The following ARHGAP26 variants were observed in gnomAD, a reference collection of about 807,000 sequenced individuals.
The protein encoded by ARHGAP26 is rho GTPase-activating protein 26.
Under a neutral mutation model 104.8 loss-of-function variants are expected in ARHGAP26, and 38 were observed. The ratio of observed to expected loss-of-function variants is 0.36; its 90% CI spans 0.28 to 0.48. ARHGAP26 has a LOEUF of 0.48. Ranked by LOEUF, ARHGAP26 falls within the 20% of genes least tolerant of loss-of-function variation. ARHGAP26 has a pLI of 0.99. For synonymous variants in ARHGAP26, 341 were observed against 340.0 expected, an observed-to-expected ratio of 1.00 and a Z score of -0.03; for missense variants, 704 against 947.9, an observed-to-expected ratio of 0.74 and a Z score of 3.38.
intron 20 of ARHGAP26, among the ~76,000 whole-genome samples, chr5:143,197,837 T>C (rs1306221559): frequency 6.6e-6 from 1 of 152,210 alleles, no homozygotes; most frequent in African/African-American, 2.4e-5. Context: ...CTGTCATTTT[T>C]TTCCATATAG....
chr5:142,956,262 G>A (rs530213942), intron 11 of ARHGAP26, among the ~76,000 whole-genome samples: 1 of 152,012 alleles, frequency 6.6e-6, no homozygotes, highest in Non-Finnish European at 1.5e-5. Context: ...GTCCTGGTCT[G>A]TCTCTGAATG....
chr5:143,196,296 CAATT>C (rs760130313), intron 20 of ARHGAP26, among the ~76,000 whole-genome samples: 2 of 152,068 alleles, frequency 1.3e-5, no homozygotes, highest in Non-Finnish European at 2.9e-5. Context: ...TTATGGCAAT[CAATT>C]AGTTTTTATT....
intron 1 of ARHGAP26, among the ~76,000 whole-genome samples, chr5:142,823,570 G>A (rs957286924): frequency 6.6e-6 from 1 of 151,880 alleles, no homozygotes; most frequent in African/African-American, 2.4e-5. Context: ...TGGTGTTATG[G>A]CAAACTAATC....
chr5:142,800,449 A>C (rs1308387118), intron 1 of ARHGAP26, among the ~76,000 whole-genome samples: 3 of 150,516 alleles, frequency 2.0e-5, no homozygotes, highest in Admixed American at 6.6e-5. Context: ...GGCTTACTGC[A>C]ACCTCCGGGT....
At chr5:142,940,247 T>G (rs936456611) in intron 11 of ARHGAP26, among the ~76,000 whole-genome samples, 4 of 152,208 alleles carry the variant, frequency 2.6e-5, no homozygotes, top group African/African-American at 9.6e-5. Context: ...TAGGAAGGTA[T>G]GGGGTGAGCT....
rs1218066880 is a variant in ARHGAP26, at chr5:142,894,246, C to T, written c.495C>T (p.Ser165=). 6.2e-7 allele frequency: 1 copy of T among 1,613,556 alleles called. No individual in the cohort carries two copies. Among genetic ancestry groups the T allele is most frequent in the East Asian group, 2.2e-5 (1 of 44,870 alleles). The stretch of plus-strand genomic sequence containing the variant: ...TTCCATCTTGTTTGTAGGCAGACAG[C>T]CAAGTGGACCTGGTCCGGCAGCATT... ...KKESQLQEAD[S]QVDLVRQHFY... The change falls in exon 6 of 23, where the codon AGC becomes AGT. Residue 165 remains serine (S), a synonymous_variant. Transcript: ENST00000645722.
Position 143,116,419 on chromosome 5 carries a change from C to CA in ARHGAP26, c.1539-4568dup, listed in dbSNP as rs202043712. On this transcript the variant is annotated intron_variant, in intron 17 of 22. Transcript: ENST00000645722. ...TCCTCTTTGACATTTTTCAACATAA[C>CA]ACTCTAGGCCTCAAGATGAAACTTA... Among the ~76,000 whole-genome samples, 725 of 152,344 alleles carry CA rather than the reference C, an allele frequency of 4.8e-3. 19 individuals carry two copies. The highest frequency in any genetic ancestry group is 0.039 in the Admixed American group (604 of 15,306).
At chr5:143,041,988 A>C in intron 14 of ARHGAP26, 98 bp downstream of exon 14, 1 of 1,034,788 alleles carries the variant, frequency 9.7e-7, no homozygotes. Context: ...GTGGCAAAGG[A>C]ATCGGGGTGT....
intron 1 of ARHGAP26, among the ~76,000 whole-genome samples, chr5:142,829,557 T>C (rs1347874162): frequency 6.6e-6 from 1 of 152,208 alleles, no homozygotes; most frequent in Non-Finnish European, 1.5e-5. Flanking sequence ...ATCACCATTG[T>C]GGAGAGGGTG....
intron 20 of ARHGAP26, among the ~76,000 whole-genome samples, chr5:143,175,868 C>G (rs1277807261): frequency 6.6e-6 from 1 of 152,170 alleles, no homozygotes; most frequent in Non-Finnish European, 1.5e-5. Flanking sequence ...AATCCCAGCA[C>G]TTTGGGAGGG....
At chr5:143,173,778 G>GTCA (rs1250981790) in intron 20 of ARHGAP26, among the ~76,000 whole-genome samples, 2 of 152,196 alleles carry the variant, frequency 1.3e-5, no homozygotes, top group African/African-American at 2.4e-5. Context: ...GGAGTTCTGA[G>GTCA]TCATGCTGTG....
At chr5:143,134,729 A>T (rs959225247) in intron 19 of ARHGAP26, among the ~76,000 whole-genome samples, 1 of 152,256 alleles carries the variant, frequency 6.6e-6, no homozygotes, top group Non-Finnish European at 1.5e-5. Flanking sequence ...TGCAATGATC[A>T]GGTACTGACC....
intron 1 of ARHGAP26, among the ~76,000 whole-genome samples, chr5:142,853,894 T>C (rs887413422): frequency 1.3e-5 from 2 of 152,162 alleles, no homozygotes; most frequent in African/African-American, 4.8e-5. Flanking sequence ...TACTAGCCCT[T>C]AGTAAATGTT....
chr5:142,796,054 CTGTGTGTGTGTGTG>C (rs71890315), intron 1 of ARHGAP26, among the ~76,000 whole-genome samples: 12 of 144,146 alleles, frequency 8.3e-5, no homozygotes, highest in Non-Finnish European at 1.2e-4. Context: ...AGGTGTTTTT[CTGTGTGTGTGTGTG>C]TGTGTGTGTG....
chr5:143,128,613 A>G (rs1196097330), intron 18 of ARHGAP26, among the ~76,000 whole-genome samples: 1 of 152,172 alleles, frequency 6.6e-6, no homozygotes, highest in Non-Finnish European at 1.5e-5. Flanking sequence ...TCCACTGTGA[A>G]GGTGCTGGGT....
chr5:142,904,668 G>A (rs1051649295), intron 8 of ARHGAP26, among the ~76,000 whole-genome samples: 3 of 152,188 alleles, frequency 2.0e-5, no homozygotes, highest in Non-Finnish European at 4.4e-5. Context: ...TGATGGGGCC[G>A]TGCCGTTTAG....
intron 1 of ARHGAP26, among the ~76,000 whole-genome samples, chr5:142,798,927 G>A (rs1344258548): frequency 1.3e-5 from 2 of 152,214 alleles, no homozygotes; most frequent in Admixed American, 6.5e-5. Context: ...ACCAGGCCAA[G>A]CTGGTCTGGC....
At chr5:143,177,301 C>T (rs1803602735) in intron 20 of ARHGAP26, among the ~76,000 whole-genome samples, 3 of 152,178 alleles carry the variant, frequency 2.0e-5, no homozygotes, top group Non-Finnish European at 4.4e-5. Context: ...TTGTTTGCTA[C>T]ATAGTGCTTG....
chr5:142,973,842 G>A (rs1182334621), intron 11 of ARHGAP26, among the ~76,000 whole-genome samples: 1 of 152,162 alleles, frequency 6.6e-6, no homozygotes, highest in Non-Finnish European at 1.5e-5. Context: ...CGTTGGTTTA[G>A]GGGGAGGTGG....
Sources: allele counts gnomAD v4.1 joint callset (sites outside exome capture counted in the v4.1 genomes callset), GRCh38; gene constraint gnomAD v4.1.1; transcripts MANE v1.5; gene names NCBI Gene and HGNC (gene_info 2026-07-23, HGNC 2026-07-21).